Variants in NTRK2 observed in about 807,000 individuals in gnomAD.
NTRK2 encodes neurotrophic receptor tyrosine kinase 2, also known as BDNF/NT-3 growth factors receptor.
Under a neutral mutation model 94.5 loss-of-function variants are expected in NTRK2, and 13 were observed. That is an observed-to-expected ratio of 0.14 (90% confidence interval 0.09 to 0.22). The LOEUF (loss-of-function observed/expected upper bound fraction) is 0.22. NTRK2 is among the 10% of genes least tolerant of loss of function. The pLI is 1.00. For synonymous variants in NTRK2, 372 were observed against 407.4 expected, an observed-to-expected ratio of 0.91 and a Z score of 1.05; for missense variants, 639 against 1,071.2, an observed-to-expected ratio of 0.60 and a Z score of 5.63.
chr9:84,897,054 C>T (rs755487998), intron 14 of NTRK2, among the ~76,000 whole-genome samples: 1 of 152,092 alleles, frequency 6.6e-6, no homozygotes, highest in Non-Finnish European at 1.5e-5. Context: ...CAACCAAAGC[C>T]CAGGGATTGT....
chr9:84,784,549 G>A (rs1033961716), intron 12 of NTRK2, among the ~76,000 whole-genome samples: 3 of 152,186 alleles, frequency 2.0e-5, no homozygotes, highest in African/African-American at 7.2e-5. Context: ...GTGTGCCTGT[G>A]TACATTTGGG....
intron 4 of NTRK2, among the ~76,000 whole-genome samples, chr9:84,706,262 G>T (rs1298498646): frequency 6.6e-6 from 1 of 152,074 alleles, no homozygotes; most frequent in Non-Finnish European, 1.5e-5. Context: ...TTGGATGAGT[G>T]GAGATCTTAA....
At chr9:84,937,272 A>G (rs1381178155) in intron 15 of NTRK2, among the ~76,000 whole-genome samples, 1 of 152,204 alleles carries the variant, frequency 6.6e-6, no homozygotes, top group Non-Finnish European at 1.5e-5. Context: ...GGAGACACCC[A>G]GGGATGTTTG....
chr9:84,700,356 C>T (rs2060646201), intron 2 of NTRK2, among the ~76,000 whole-genome samples: 1 of 152,144 alleles, frequency 6.6e-6, no homozygotes, highest in South Asian at 2.1e-4. Context: ...AAAAATTGAG[C>T]ATTCCTTTCA....
chr9:84,863,869 CT>C (rs1232861525), intron 13 of NTRK2, among the ~76,000 whole-genome samples: 5 of 152,136 alleles, frequency 3.3e-5, no homozygotes, highest in African/African-American at 1.2e-4. Flanking sequence ...GAAAAATTAC[CT>C]GTGGTGCTTT....
rs572995896 is a variant in NTRK2 at position 84,741,520 on chromosome 9, A to G, written c.1160-372A>G. Among the ~76,000 whole-genome samples the G allele has an allele frequency of 1.9e-3, 284 of 152,348 alleles. 1 individual carries two copies. Among genetic ancestry groups the G allele is most frequent in the Non-Finnish European group, 3.3e-3 (227 of 68,024 alleles). ...ATCAGAGAATAACAAAAGTGGTACG[A>G]AAATTATTTGTCTCTGGAATAAAAA... On this transcript the variant is annotated intron_variant, in intron 9 of 18. Coordinates refer to ENST00000277120, the MANE Select transcript of NTRK2 (RefSeq NM_006180.6).
intron 17 of NTRK2, among the ~76,000 whole-genome samples, chr9:85,006,155 G>A (rs1830932225): frequency 6.6e-6 from 1 of 152,206 alleles, no homozygotes; most frequent in Non-Finnish European, 1.5e-5. Context: ...TGTTTAAGAA[G>A]TCTAAAAATA....
intron 17 of NTRK2, among the ~76,000 whole-genome samples, chr9:85,018,538 A>G (rs1832490522): frequency 6.6e-6 from 1 of 152,198 alleles, no homozygotes; most frequent in Non-Finnish European, 1.5e-5. Flanking sequence ...CAAGTCCTCC[A>G]AAGCATCTGG....
At chr9:84,885,767 C>T (rs577307280) in intron 14 of NTRK2, among the ~76,000 whole-genome samples, 1 of 152,188 alleles carries the variant, frequency 6.6e-6, no homozygotes, top group Non-Finnish European at 1.5e-5. Flanking sequence ...GTGGCTCACG[C>T]CTGTAATCTC....
chr9:84,718,806 T>C (rs906333211), intron 6 of NTRK2, among the ~76,000 whole-genome samples: 8 of 152,250 alleles, frequency 5.3e-5, no homozygotes, highest in African/African-American at 1.9e-4. Flanking sequence ...CAATTCATTT[T>C]TATTGTGCTA....
At chr9:85,010,873 G>A (rs1029146580) in intron 17 of NTRK2, among the ~76,000 whole-genome samples, 1 of 152,162 alleles carries the variant, frequency 6.6e-6, no homozygotes, top group Admixed American at 6.5e-5. Flanking sequence ...GTCTTTGGCT[G>A]TTTAAATTGT....
At chr9:84,677,209 C>T (rs2059114830) in intron 2 of NTRK2, among the ~76,000 whole-genome samples, 7 of 152,106 alleles carry the variant, frequency 4.6e-5, no homozygotes, top group Admixed American at 3.9e-4. Context: ...TGGAGAAACC[C>T]GCAGCCCTTT....
At chr9:84,913,254 T>TATAC (rs1180736395) in intron 14 of NTRK2, among the ~76,000 whole-genome samples, 2 of 152,176 alleles carry the variant, frequency 1.3e-5, no homozygotes, top group Non-Finnish European at 2.9e-5. Flanking sequence ...GCACATTTTA[T>TATAC]ATACATACAT....
chr9:84,713,684 G>C (rs1359217859), intron 6 of NTRK2, among the ~76,000 whole-genome samples: 2 of 151,992 alleles, frequency 1.3e-5, no homozygotes, highest in East Asian at 3.9e-4. Context: ...AAAAATTATA[G>C]GCTCAAAAAC....
chr9:84,670,149 C>A (rs2058610436), intron 1 of NTRK2, among the ~76,000 whole-genome samples: 1 of 152,174 alleles, frequency 6.6e-6, no homozygotes, highest in Non-Finnish European at 1.5e-5. Context: ...TCCCTACCTC[C>A]CCTCCCTTGG....
At position 84,885,988 on chromosome 9, in the gene NTRK2, G is replaced by A. The variant is rs191235799; in HGVS notation, c.1633+18557G>A. 2.7e-3 allele frequency among the ~76,000 whole-genome samples: 417 copies of A among 151,940 alleles called. 1 individual carries two copies. Among genetic ancestry groups the A allele is most frequent in the Non-Finnish European group, 3.6e-3 (245 of 67,966 alleles). On this transcript the variant is annotated intron_variant, in intron 14 of 18. Transcript: ENST00000277120. ...AGAGGTTGCAGTGAGCTGAGATTGC[G>A]CCACTGCACTCCAGCCTGGGTGACA...
chr9:85,020,465 G>T, intron 18 of NTRK2, 101 bp downstream of exon 18: 1 of 1,214,004 alleles, frequency 8.2e-7, no homozygotes, highest in South Asian at 1.2e-5. Flanking sequence ...GTCAGGACAC[G>T]ATCTTATGGG....
intron 12 of NTRK2, among the ~76,000 whole-genome samples, chr9:84,800,841 A>G (rs930288511): frequency 5.9e-5 from 9 of 151,964 alleles, no homozygotes; most frequent in African/African-American, 2.2e-4. Context: ...GAACCTAAAG[A>G]CTTCTTTCAG....
intron 10 of NTRK2, 40 bp downstream of exon 10, chr9:84,741,967 ATGTT>A (rs751641381): frequency 5.3e-6 from 8 of 1,520,870 alleles, no homozygotes; most frequent in Non-Finnish European, 4.5e-6. Flanking sequence ...CTTTTTCAAA[ATGTT>A]TGTGTATCAT....
Sources: gnomAD v4.1 joint callset for allele counts (sites outside exome capture counted in the v4.1 genomes callset) on GRCh38, gnomAD v4.1.1 for gene constraint, MANE v1.5 for transcripts, NCBI Gene and HGNC (gene_info 2026-07-23, HGNC 2026-07-21) for gene names.